ASAH2: variants seen among roughly 807,000 people sequenced by gnomAD.
ASAH2 encodes the protein neutral ceramidase.
Under a neutral mutation model 82.9 loss-of-function variants are expected in ASAH2, and 58 were observed. The observed-to-expected ratio is 0.70, with a 90% CI of 0.57 to 0.87. The LOEUF (loss-of-function observed/expected upper bound fraction) is 0.87, where lower values mean the gene tolerates loss of function less well. ASAH2 is among the 40% of genes least tolerant of loss of function. The pLI is 0.00. For missense variants in ASAH2, 779 were observed against 834.0 expected (o/e 0.93, Z 0.81); for synonymous variants, 276 against 289.7 (o/e 0.95, Z 0.48).
At chr10:50,233,140 A>G (rs1307386826) in intron 7 of ASAH2, 44 bp downstream of exon 7, 1 of 1,389,476 alleles carries the variant, frequency 7.2e-7, no homozygotes, top group African/African-American at 1.4e-5. Context: ...TTTAATTAAG[A>G]AAAGCTACCC....
intron 8 of ASAH2, among the ~76,000 whole-genome samples, chr10:50,217,037 A>G (rs1845619116): frequency 6.6e-6 from 1 of 152,150 alleles, no homozygotes; most frequent in Non-Finnish European, 1.5e-5. Flanking sequence ...TAGCAGGAAG[A>G]GACTGATCCC....
intron 7 of ASAH2, among the ~76,000 whole-genome samples, chr10:50,223,531 T>C (rs1233816564): frequency 6.6e-6 from 1 of 152,088 alleles, no homozygotes; most frequent in Non-Finnish European, 1.5e-5. Context: ...AATAGGGAAA[T>C]AGAATACTGT....
At chr10:50,248,988 G>A (rs2196463) in intron 1 of ASAH2, among the ~76,000 whole-genome samples, 43,958 of 152,076 alleles carry the variant, frequency 0.29, 6,607 homozygotes, top group Non-Finnish European at 0.31. Context: ...TGCTGTTTAT[G>A]GATCTGTACA....
rs1589326230 is a variant in ASAH2, at chr10:50,204,726, A to G, written c.1625+135T>C. On this transcript the variant is annotated intron_variant, in intron 14 of 20. Transcript: ENST00000682911. ...GGCCCCAGCAAAAGAGGGTAGGAATATTTGCCACTGTCACCAAACAGTACA... is the reference window on the plus strand; with the variant it reads ...GGCCCCAGCAAAAGAGGGTAGGAATGTTTGCCACTGTCACCAAACAGTACA... The G allele has an allele frequency of 1.9e-5, 13 of 701,598 alleles. No homozygotes were observed. The East Asian group carries it at 3.6e-4, about 19-fold the overall frequency. The allele number at this position is 701,598 out of a possible 1,614,324, so 43.5% of individuals were successfully genotyped here. A position where few individuals can be genotyped will look rare whatever the true frequency, so the allele number is the denominator to read the frequency against.
At chr10:50,230,736 C>G (rs1340451801) in intron 7 of ASAH2, among the ~76,000 whole-genome samples, 1 of 151,944 alleles carries the variant, frequency 6.6e-6, no homozygotes, top group Non-Finnish European at 1.5e-5. Flanking sequence ...TTTTCTGTTC[C>G]AGTTATTAAA....
rs1015702521 is a variant in ASAH2 at position 50,212,915 on chromosome 10, A to G, written c.1227+57T>C. 6.0e-6 allele frequency: 9 copies of G among 1,501,362 alleles called. No homozygotes were observed. In the Admixed American group the frequency reaches 1.0e-4, roughly 17 times the overall value. 93.0% of individuals were successfully genotyped at this position (1,501,362 alleles called of 1,614,324 possible). A position where few individuals can be genotyped will look rare whatever the true frequency, so the allele number is the denominator to read the frequency against. The stretch of plus-strand genomic sequence containing the variant: ...TTCAACTTCCTAATGAACCAAGTCA[A>G]TGGATTTTAAAGGACAATTTTAAAC... On this transcript the variant is annotated intron_variant, in intron 10 of 20. Transcript: ENST00000682911.
chr10:50,221,768 T>G (rs1845756993), intron 7 of ASAH2, among the ~76,000 whole-genome samples: 1 of 152,130 alleles, frequency 6.6e-6, no homozygotes, highest in Non-Finnish European at 1.5e-5. Context: ...TCTTATCCAC[T>G]GTGGAATCCT....
At position 50,218,417 on chromosome 10, in the gene ASAH2, T is replaced by C. The variant is rs559284487; in HGVS notation, c.1014+93A>G. The C allele has an allele frequency of 6.4e-6, 10 of 1,555,870 alleles. No individual in the cohort carries two copies. The African/African-American group carries it at 1.2e-4, about 19-fold the overall frequency. ...ATATGTGAGATTGATGATGACACTT[T>C]ATTCTGGAGATTTGAATCACCTCTT... On this transcript the variant is annotated intron_variant, in intron 8 of 20. Coordinates refer to ENST00000682911, the MANE Select transcript of ASAH2 (RefSeq NM_019893.4).
chr10:50,199,257 T>G (rs2133197948), intron 16 of ASAH2, 111 bp from the exon 17 acceptor site: 2 of 1,050,232 alleles, frequency 1.9e-6, no homozygotes, highest in Non-Finnish European at 3.0e-6. Context: ...TATTCAAAAC[T>G]GGCACAATCT....
intron 7 of ASAH2, among the ~76,000 whole-genome samples, chr10:50,230,782 C>T (rs931806985): frequency 1.3e-5 from 2 of 152,076 alleles, no homozygotes; most frequent in Non-Finnish European, 2.9e-5. Flanking sequence ...TAGCTCACAC[C>T]TGTAATCCAA....
Position 50,226,106 on chromosome 10 carries a change from G to A in ASAH2, c.893+7078C>T, listed in dbSNP as rs998529155. On this transcript the variant is annotated intron_variant, in intron 7 of 20. Transcript: ENST00000682911. ...AGACTCCATCTAAAAAAAAAAAAAT[G>A]TTTATCACGATGTATTTTATGATGG... Among the ~76,000 whole-genome samples, 38 of 151,234 alleles carry A rather than the reference G, an allele frequency of 2.5e-4. 2 individuals are homozygous for A. In the South Asian group the frequency reaches 7.8e-3, roughly 31 times the overall value.
chr10:50,199,022 G>T (rs1259518635), intron 17 of ASAH2, 29 bp downstream of exon 17: 3 of 1,605,648 alleles, frequency 1.9e-6, no homozygotes, highest in South Asian at 2.2e-5. Flanking sequence ...ACGCACGCGC[G>T]CATGCACGCA....
intron 4 of ASAH2, chr10:50,240,386 CA>C (rs1391749684): frequency 7.2e-6 from 5 of 698,464 alleles, no homozygotes; most frequent in Non-Finnish European, 1.3e-5. Context: ...GGACCCTCAC[CA>C]ATAAAGCCTC....
chr10:50,195,245 C>T (rs1329661401), intron 18 of ASAH2, among the ~76,000 whole-genome samples: 1 of 151,760 alleles, frequency 6.6e-6, no homozygotes, highest in African/African-American at 2.4e-5. Context: ...CCTGAATAAA[C>T]ATTTCTCTAA....
chr10:50,203,728 A>T, intron 14 of ASAH2, 49 bp from the exon 15 acceptor site: 1 of 1,553,582 alleles, frequency 6.4e-7, no homozygotes, highest in Non-Finnish European at 8.9e-7. Context: ...AGACGTATGC[A>T]GAGTACACAG....
chr10:50,195,091 C>T (rs1471831739), intron 18 of ASAH2, among the ~76,000 whole-genome samples: 1 of 149,280 alleles, frequency 6.7e-6, no homozygotes, highest in Non-Finnish European at 1.5e-5. Flanking sequence ...AAACAATTAA[C>T]AAAGTGAGGA....
intron 7 of ASAH2, among the ~76,000 whole-genome samples, chr10:50,226,159 A>G (rs2133218991): frequency 6.6e-6 from 1 of 152,222 alleles, no homozygotes; most frequent in African/African-American, 2.4e-5. Context: ...CTAAATAACA[A>G]ATGATTGCTG....
chr10:50,216,384 C>T (rs970370831), intron 8 of ASAH2, among the ~76,000 whole-genome samples: 4 of 152,010 alleles, frequency 2.6e-5, no homozygotes, highest in Non-Finnish European at 5.9e-5. Context: ...AGTCGGTATA[C>T]ATATTATTAC....
intron 1 of ASAH2, among the ~76,000 whole-genome samples, chr10:50,250,049 C>G (rs902886473): frequency 2.0e-5 from 3 of 152,138 alleles, no homozygotes; most frequent in Non-Finnish European, 2.9e-5. Context: ...AAAGAGTTTA[C>G]ATTTACAATC....
Sources: allele counts gnomAD v4.1 joint callset (sites outside exome capture counted in the v4.1 genomes callset), GRCh38; gene constraint gnomAD v4.1.1; transcripts MANE v1.5; gene names NCBI Gene and HGNC (gene_info 2026-07-23, HGNC 2026-07-21).